The following IL1RL1 variants were observed in gnomAD, a reference collection of about 807,000 sequenced individuals.
IL1RL1 encodes the protein interleukin-1 receptor-like 1.
A neutral mutation model predicts 50.9 loss-of-function variants in IL1RL1; 32 were observed. The observed-to-expected ratio is 0.63, with a 90% CI of 0.47 to 0.84. The LOEUF is 0.84. IL1RL1 is among the 40% of genes least tolerant of loss of function. The pLI, the probability that IL1RL1 is intolerant of heterozygous loss-of-function variation, is 0.00. For missense variants in IL1RL1, 773 were observed against 662.9 expected (o/e 1.17, Z -1.82); for synonymous variants, 275 against 236.0 (o/e 1.17, Z -1.51).
chr2:102,338,887 A>G lies in IL1RL1; in HGVS notation c.112A>G (p.Arg38Gly). 1 of 1,613,844 alleles carries G rather than the reference A, an allele frequency of 6.2e-7. No homozygotes were observed. The highest frequency in any genetic ancestry group is 8.5e-7 in the Non-Finnish European group (1 of 1,179,770). Reference protein sequence around the residue: ...ENEALIVRCPRQGKPSYTVDW... With the variant: ...ENEALIVRCPGQGKPSYTVDW... Reference sequence around the variant, plus strand: ...TGAGGCTTTAATTGTAAGATGTCCTAGACAAGGAAAACCTAGTTACACCGT... The same window carrying G: ...TGAGGCTTTAATTGTAAGATGTCCTGGACAAGGAAAACCTAGTTACACCGT... Residue 38 changes from arginine to glycine, a missense_variant, in exon 3 of 11, where the codon AGA becomes GGA. Transcript: ENST00000233954.
At chr2:102,326,379 T>C (rs995440265) in intron 1 of IL1RL1, among the ~76,000 whole-genome samples, 3 of 152,038 alleles carry the variant, frequency 2.0e-5, no homozygotes, top group Non-Finnish European at 4.4e-5. Context: ...GAACAACCGG[T>C]ACCAGCCACT....
In IL1RL1 at chr2:102,347,958, C is replaced by T. The variant is rs754603748; in HGVS notation, c.984C>T (p.Ser328=). Residue 328 remains serine (S), a synonymous_variant, in exon 9 of 11, where the codon AGC becomes AGT. Coordinates refer to ENST00000233954, the MANE Select transcript of IL1RL1 (RefSeq NM_016232.5). ...LSRKNPIDHH[S]IYCIIAVCSV... ...TCTTTTGAATAGTTGATCATCATAG[C>T]ATCTACTGCATAATTGCAGTATGTA... The T allele has an allele frequency of 3.6e-5, 54 of 1,499,928 alleles. No individual in the cohort carries two copies. The highest frequency in any genetic ancestry group is 4.7e-5 in the Non-Finnish European group (51 of 1,076,932). The allele number at this position is 1,499,928 out of a possible 1,614,324, so 92.9% of individuals were successfully genotyped here. A position where few individuals can be genotyped will look rare whatever the true frequency, so the allele number is the denominator to read the frequency against.
chr2:102,334,458 G>C (rs1677255283), intron 1 of IL1RL1, among the ~76,000 whole-genome samples: 1 of 152,076 alleles, frequency 6.6e-6, no homozygotes, highest in South Asian at 2.1e-4. Context: ...ATTCTCCAGA[G>C]GCCCAGGCTA....
Position 102,336,442 on chromosome 2 carries a change from T to C in IL1RL1, c.-149-1674T>C, listed in dbSNP as rs114512568. Among the ~76,000 whole-genome samples, 438 of 152,250 alleles carry C rather than the reference T, an allele frequency of 2.9e-3. 5 individuals carry two copies. Among genetic ancestry groups the C allele is most frequent in the Non-Finnish European group, 5.0e-3 (343 of 68,030 alleles). On this transcript the variant is annotated intron_variant, in intron 1 of 10. Coordinates refer to ENST00000233954, the MANE Select transcript of IL1RL1 (RefSeq NM_016232.5). ...AAGTTAGCTATTATCATTATATTAT[T>C]ATATGGGTCTGGAATTAGTTCCTGA... is the stretch of plus-strand genomic sequence containing the variant.
intron 1 of IL1RL1, among the ~76,000 whole-genome samples, chr2:102,318,415 C>G (rs956082469): frequency 1.2e-4 from 18 of 148,234 alleles, no homozygotes; most frequent in East Asian, 5.8e-4. Context: ...ATGAAGTTGC[C>G]ATCAACCAAG....
intron 1 of IL1RL1, chr2:102,312,867 C>G (rs1676558399): frequency 6.6e-6 from 1 of 152,108 alleles, no homozygotes; most frequent in Admixed American, 6.5e-5. Context: ...GCCCCCAAAG[C>G]TTTATCCACT....
chr2:102,335,385 G>C (rs112593736), intron 1 of IL1RL1, among the ~76,000 whole-genome samples: 4,241 of 115,222 alleles, frequency 0.037, 177 homozygotes, highest in African/African-American at 0.12. Flanking sequence ...GTTGACATTG[G>C]GGGGAGAAAA....
intron 1 of IL1RL1, among the ~76,000 whole-genome samples, chr2:102,314,091 G>A (rs1171129250): frequency 6.6e-6 from 1 of 152,180 alleles, no homozygotes; most frequent in Non-Finnish European, 1.5e-5. Context: ...GCCAAGGGTA[G>A]GATGGCTTCA....
In IL1RL1 at chr2:102,342,179, C is replaced by T. The variant is rs755702065; in HGVS notation, c.611-44C>T. On this transcript the variant is annotated intron_variant, in intron 5 of 10. Transcript: ENST00000233954. ...AAAATACAAGCTTTATATTGACTAG[C>T]ATTCAATGCTCTCCTAATATTTATA... 1.4e-5 allele frequency: 18 copies of T among 1,286,398 alleles called. No individual in the cohort carries two copies. In the East Asian group the frequency reaches 3.9e-4, roughly 28 times the overall value. 79.7% of individuals were successfully genotyped at this position (1,286,398 alleles called of 1,614,324 possible). A position where few individuals can be genotyped will look rare whatever the true frequency, so the allele number is the denominator to read the frequency against.
chr2:102,343,683 C>T, intron 8 of IL1RL1: 1 of 1,367,186 alleles, frequency 7.3e-7, no homozygotes, highest in Non-Finnish European at 9.4e-7. Context: ...CTTTGGTCAT[C>T]CTTGTTTTCT....
chr2:102,324,547 G>A (rs111925889), intron 1 of IL1RL1, among the ~76,000 whole-genome samples: 4,228 of 152,280 alleles, frequency 0.028, 176 homozygotes, highest in African/African-American at 0.096. Flanking sequence ...CCAAAGCAGG[G>A]CGAGGCATCG....
intron 1 of IL1RL1, among the ~76,000 whole-genome samples, chr2:102,332,802 T>C (rs1677210614): frequency 6.6e-6 from 1 of 151,880 alleles, no homozygotes; most frequent in South Asian, 2.1e-4. Context: ...AATAGTTAAT[T>C]TTATGTTATG....
chr2:102,345,981 G>T, intron 8 of IL1RL1: 1 of 985,288 alleles, frequency 1.0e-6, no homozygotes, highest in Non-Finnish European at 1.2e-6. Context: ...CGTGTTACAG[G>T]TGTTTAATGA....
Position 102,340,060 on chromosome 2 carries a change from C to T in IL1RL1, c.273-38C>T, listed in dbSNP as rs115325664. On this transcript the variant is annotated intron_variant, in intron 3 of 10. Transcript: ENST00000233954. ...ATTTAGATTAAGTTATTTCACAATG[C>T]TAAGTGACTCTTTTAATTGTCTGAC... 4,987 of 1,293,508 alleles carry T rather than the reference C, an allele frequency of 3.9e-3. 159 individuals are homozygous for T. The African/African-American group carries it at 0.065, about 17-fold the overall frequency. 80.1% of individuals were successfully genotyped at this position (1,293,508 alleles called of 1,614,324 possible).
intron 5 of IL1RL1, chr2:102,341,499 T>A: frequency 4.0e-6 from 1 of 249,622 alleles, no homozygotes; most frequent in Non-Finnish European, 6.7e-6. Flanking sequence ...TCTACAGACG[T>A]AGATGTAATA....
chr2:102,343,479 G>A (rs1573157841), intron 8 of IL1RL1, 64 bp downstream of exon 8: 1 of 1,613,436 alleles, frequency 6.2e-7, no homozygotes, highest in Non-Finnish European at 8.5e-7. Flanking sequence ...GCAGAATGGA[G>A]TGTGGTTCCA....
chr2:102,343,765 C>A (rs763979981), intron 8 of IL1RL1: 3 of 1,152,746 alleles, frequency 2.6e-6, no homozygotes, highest in Non-Finnish European at 3.2e-6. Context: ...TGAACGTGTT[C>A]TTTTGTGCTC....
chr2:102,346,288 A>G (rs950523278), intron 8 of IL1RL1, among the ~76,000 whole-genome samples: 1 of 152,206 alleles, frequency 6.6e-6, no homozygotes, highest in African/African-American at 2.4e-5. Flanking sequence ...TGCTTATTTT[A>G]CATTTAACTT....
chr2:102,333,289 A>C (rs1677223937), intron 1 of IL1RL1, among the ~76,000 whole-genome samples: 1 of 152,204 alleles, frequency 6.6e-6, no homozygotes, highest in Non-Finnish European at 1.5e-5. Context: ...GGATGGTGGC[A>C]TTGAGAATGG....
Sources: gnomAD v4.1 joint callset for allele counts (sites outside exome capture counted in the v4.1 genomes callset) on GRCh38, gnomAD v4.1.1 for gene constraint, MANE v1.5 for transcripts, NCBI Gene and HGNC (gene_info 2026-07-23, HGNC 2026-07-21) for gene names.